The following RBMS3 variants were observed in gnomAD, a reference collection of about 807,000 sequenced individuals.
RBMS3 encodes RNA binding motif single stranded interacting protein 3.
A neutral mutation model predicts 66.8 loss-of-function variants in RBMS3; 27 were observed. The observed-to-expected ratio is 0.40, with a 90% CI of 0.30 to 0.56. The LOEUF (loss-of-function observed/expected upper bound fraction) is 0.56. Ranked by LOEUF, RBMS3 falls within the 20% of genes least tolerant of loss-of-function variation. The pLI is 0.40. For synonymous variants in RBMS3, 188 were observed against 183.0 expected, an observed-to-expected ratio of 1.03 and a Z score of -0.22; for missense variants, 513 against 549.5, an observed-to-expected ratio of 0.93 and a Z score of 0.66.
intron 6 of RBMS3, among the ~76,000 whole-genome samples, chr3:29,803,669 A>C (rs982412881): frequency 6.6e-6 from 1 of 152,048 alleles, no homozygotes; most frequent in Non-Finnish European, 1.5e-5. Context: ...ATGTAATATA[A>C]CATTAGATAT....
At chr3:29,796,980 G>A (rs923583500) in intron 6 of RBMS3, among the ~76,000 whole-genome samples, 3 of 151,844 alleles carry the variant, frequency 2.0e-5, no homozygotes, top group African/African-American at 4.8e-5. Context: ...CCGAAGTGCT[G>A]GGATTACAGG....
chr3:29,999,916 AAAT>A (rs1208034331), intron 14 of RBMS3, among the ~76,000 whole-genome samples: 1 of 150,838 alleles, frequency 6.6e-6, no homozygotes, highest in Non-Finnish European at 1.5e-5. Flanking sequence ...AATAATAATA[AAAT>A]AATAATTTAA....
chr3:29,934,309 G>GA lies in RBMS3; in HGVS notation c.940-1766dup, dbSNP rs5847608. ...GTTGTCAAAGTACCACTTTTTGGTTGAAAAAAAAAAATGCTTCAGGACTTC... is the reference window on the plus strand; with the variant it reads ...GTTGTCAAAGTACCACTTTTTGGTTGAAAAAAAAAAAATGCTTCAGGACTTC... On this transcript the variant is annotated intron_variant, in intron 10 of 14. Coordinates refer to ENST00000383767, the MANE Select transcript of RBMS3 (RefSeq NM_001003793.3). Among the ~76,000 whole-genome samples the GA allele has an allele frequency of 8.8e-3, 1,286 of 145,724 alleles. 18 individuals are homozygous for GA. The highest frequency in any genetic ancestry group is 0.029 in the African/African-American group (1,165 of 39,938).
At chr3:29,868,836 A>G in intron 6 of RBMS3, 22 bp from the exon 7 acceptor site, 1 of 1,565,540 alleles carries the variant, frequency 6.4e-7, no homozygotes, top group African/African-American at 1.4e-5. Context: ...GTTAATGTAG[A>G]ATTGGTTTCT....
At chr3:29,545,337 T>G (rs1035665887) in intron 3 of RBMS3, among the ~76,000 whole-genome samples, 9 of 152,266 alleles carry the variant, frequency 5.9e-5, no homozygotes, top group Non-Finnish European at 1.2e-4. Context: ...CTCTATGATG[T>G]TTTTGTGTAT....
At chr3:29,419,947 G>A (rs1185565109) in intron 1 of RBMS3, among the ~76,000 whole-genome samples, 2 of 152,090 alleles carry the variant, frequency 1.3e-5, no homozygotes, top group African/African-American at 4.8e-5. Flanking sequence ...TTGCTTTGGC[G>A]ATGGATGCTG....
At position 29,808,177 on chromosome 3, in the gene RBMS3, A is replaced by ATT. The variant is rs536242014; in HGVS notation, c.637+45196_637+45197dup. 4.8e-4 allele frequency among the ~76,000 whole-genome samples: 72 copies of ATT among 150,794 alleles called. 2 individuals are homozygous for ATT. The highest frequency in any genetic ancestry group is 1.7e-3 in the African/African-American group (70 of 41,212). On this transcript the variant is annotated intron_variant, in intron 6 of 14. Coordinates refer to ENST00000383767, the MANE Select transcript of RBMS3 (RefSeq NM_001003793.3). ...CTACTTGGGACCATTTTTGTTGTTCATTTTTTTTTGTTAGCTATGTCAGCA... is the reference window on the plus strand; with the variant it reads ...CTACTTGGGACCATTTTTGTTGTTCATTTTTTTTTTTGTTAGCTATGTCAGCA...
intron 4 of RBMS3, among the ~76,000 whole-genome samples, chr3:29,701,937 G>C (rs1190143203): frequency 6.6e-6 from 1 of 152,214 alleles, no homozygotes; most frequent in Non-Finnish European, 1.5e-5. Flanking sequence ...CCTCGGTGTG[G>C]GACTGGTGGG....
At chr3:29,764,498 G>T (rs144458030) in intron 6 of RBMS3, among the ~76,000 whole-genome samples, 1 of 151,740 alleles carries the variant, frequency 6.6e-6, no homozygotes. Flanking sequence ...TCATCCAACG[G>T]ATACCTATTT....
At chr3:29,991,892 T>G (rs1480931624) in intron 14 of RBMS3, among the ~76,000 whole-genome samples, 3 of 152,264 alleles carry the variant, frequency 2.0e-5, no homozygotes, top group African/African-American at 7.2e-5. Flanking sequence ...ATATAAAATA[T>G]GGTCTTATTC....
chr3:29,890,813 C>A (rs190005086), intron 8 of RBMS3, among the ~76,000 whole-genome samples: 1 of 151,622 alleles, frequency 6.6e-6, no homozygotes, highest in East Asian at 2.0e-4. Context: ...AGGGCCAACA[C>A]AGTAGTGGGA....
At chr3:29,492,568 G>A (rs1461825549) in intron 3 of RBMS3, among the ~76,000 whole-genome samples, 1 of 152,094 alleles carries the variant, frequency 6.6e-6, no homozygotes, top group African/African-American at 2.4e-5. Flanking sequence ...ATGATACTAG[G>A]GATCTGTAGA....
chr3:29,351,002 G>GTATA (rs144931291), intron 1 of RBMS3, among the ~76,000 whole-genome samples: 2 of 151,184 alleles, frequency 1.3e-5, no homozygotes, highest in African/African-American at 4.9e-5. Flanking sequence ...AATATTATGT[G>GTATA]TATATATATA....
intron 4 of RBMS3, among the ~76,000 whole-genome samples, chr3:29,734,964 C>T (rs890047696): frequency 6.6e-6 from 1 of 150,916 alleles, no homozygotes; most frequent in Non-Finnish European, 1.5e-5. Flanking sequence ...ATCTCAACTT[C>T]ATGCTAGTAC....
chr3:29,522,967 GCA>G (rs1440074222), intron 3 of RBMS3, among the ~76,000 whole-genome samples: 1 of 152,144 alleles, frequency 6.6e-6, no homozygotes, highest in Non-Finnish European at 1.5e-5. Context: ...GTAGTGCTGA[GCA>G]CACAGTCACT....
At chr3:29,925,673 C>G (rs2060918691) in intron 10 of RBMS3, among the ~76,000 whole-genome samples, 1 of 152,082 alleles carries the variant, frequency 6.6e-6, no homozygotes, top group Non-Finnish European at 1.5e-5. Flanking sequence ...ACTCAGAGCC[C>G]TGGCAGACCA....
chr3:29,504,871 C>T (rs572836524), intron 3 of RBMS3, among the ~76,000 whole-genome samples: 16 of 152,124 alleles, frequency 1.1e-4, no homozygotes, highest in South Asian at 2.1e-4. Context: ...ATATACCTGT[C>T]GGCTCTTTGT....
intron 3 of RBMS3, among the ~76,000 whole-genome samples, chr3:29,497,648 G>A (rs979131441): frequency 3.9e-5 from 6 of 151,952 alleles, no homozygotes; most frequent in Non-Finnish European, 7.4e-5. Flanking sequence ...CACTTCCTTT[G>A]GGCACCATCT....
intron 1 of RBMS3, among the ~76,000 whole-genome samples, chr3:29,328,698 A>C (rs1046267961): frequency 2.7e-4 from 41 of 152,186 alleles, no homozygotes; most frequent in African/African-American, 9.9e-4. Context: ...TTCCTATGCA[A>C]GGCTTCCCTG....
Sources: allele counts gnomAD v4.1 joint callset (sites outside exome capture counted in the v4.1 genomes callset), GRCh38; gene constraint gnomAD v4.1.1; transcripts MANE v1.5; gene names NCBI Gene and HGNC (gene_info 2026-07-23, HGNC 2026-07-21).